Variants in PDE11A observed in about 807,000 individuals in gnomAD.
PDE11A encodes the protein dual 3',5'-cyclic-AMP and -GMP phosphodiesterase 11A.
A neutral mutation model predicts 100.5 loss-of-function variants in PDE11A; 100 were observed. That is an observed-to-expected ratio of 1.00 (90% confidence interval 0.85 to 1.18). The LOEUF is 1.18. PDE11A is among the 50% of genes most tolerant of loss of function. The probability of loss-of-function intolerance (pLI) is 0.00; values close to 1 mark genes in which losing one functional copy is unlikely to be tolerated. For missense variants in PDE11A, 1,141 were observed against 1,152.6 expected (o/e 0.99, Z 0.15); for synonymous variants, 381 against 420.8 (o/e 0.91, Z 1.16).
intron 15 of PDE11A, chr2:177,683,258 A>G (rs985982199): frequency 2.6e-5 from 4 of 152,304 alleles, no homozygotes; most frequent in African/African-American, 9.6e-5. Context: ...AGGCCATACT[A>G]CATACAGCAT....
intron 1 of PDE11A, among the ~76,000 whole-genome samples, chr2:178,041,513 T>C (rs1332085124): frequency 6.6e-6 from 1 of 152,134 alleles, no homozygotes; most frequent in Non-Finnish European, 1.5e-5. Context: ...GTGCTGGGAT[T>C]ATAGGTGTGA....
chr2:177,888,005 G>T (rs1001652848), intron 4 of PDE11A, among the ~76,000 whole-genome samples: 1 of 151,998 alleles, frequency 6.6e-6, no homozygotes, highest in African/African-American at 2.4e-5. Flanking sequence ...GAGACTTCTA[G>T]TCATGTAAGT....
intron 1 of PDE11A, among the ~76,000 whole-genome samples, chr2:178,029,937 C>A (rs1367100078): frequency 6.6e-6 from 1 of 152,162 alleles, no homozygotes; most frequent in East Asian, 1.9e-4. Context: ...CCATATGATG[C>A]CTTCCACCAT....
chr2:177,851,381 G>C (rs2105648253), intron 5 of PDE11A, among the ~76,000 whole-genome samples: 1 of 151,912 alleles, frequency 6.6e-6, no homozygotes, highest in African/African-American at 2.4e-5. Context: ...CACCAGGCCT[G>C]TCGTGGGGTG....
In PDE11A at chr2:177,997,240, C is replaced by T. The variant is rs544232830; in HGVS notation, c.1071+17062G>A. 2.2e-5 allele frequency: 28 copies of T among 1,291,506 alleles called. 2 individuals carry two copies. In the South Asian group the frequency reaches 2.5e-4, roughly 12 times the overall value. 80.0% of individuals were successfully genotyped at this position (1,291,506 alleles called of 1,614,324 possible). On this transcript the variant is annotated intron_variant, in intron 2 of 19. Transcript: ENST00000286063. ...ACGATTTCTTCGTGTGCCCCAACCT[C>T]GGCCCCCTCTACTTTCCCTGAAGGC...
At chr2:178,099,530 A>G (rs2105888060) in intron 2 of PDE11A, among the ~76,000 whole-genome samples, 1 of 152,294 alleles carries the variant, frequency 6.6e-6, no homozygotes, top group South Asian at 2.1e-4. Flanking sequence ...TAGGGAAATG[A>G]AAACCAAAAC....
At chr2:177,875,769 G>T (rs995645276) in intron 5 of PDE11A, 90 bp downstream of exon 5, 13 of 836,604 alleles carry the variant, frequency 1.6e-5, no homozygotes, top group Non-Finnish European at 2.3e-5. Flanking sequence ...CTAATATAAA[G>T]AACTACTACT....
At chr2:178,015,148 A>G (rs1000440969) in intron 1 of PDE11A, among the ~76,000 whole-genome samples, 1 of 152,212 alleles carries the variant, frequency 6.6e-6, no homozygotes, top group African/African-American at 2.4e-5. Flanking sequence ...TCCTTATTAC[A>G]AAGGTAAAAG....
intron 2 of PDE11A, among the ~76,000 whole-genome samples, chr2:177,999,695 C>T (rs2086119945): frequency 6.6e-6 from 1 of 152,164 alleles, no homozygotes; most frequent in Admixed American, 6.5e-5. Context: ...TCCAAAATAC[C>T]AAGCACACTT....
intron 9 of PDE11A, among the ~76,000 whole-genome samples, chr2:177,797,826 A>T (rs940152175): frequency 6.6e-6 from 1 of 152,250 alleles, no homozygotes; most frequent in African/African-American, 2.4e-5. Context: ...ATTTTGTTTT[A>T]AAAAAGTATG....
At chr2:177,639,871 G>A (rs1467272978) in intron 19 of PDE11A, among the ~76,000 whole-genome samples, 3 of 152,196 alleles carry the variant, frequency 2.0e-5, no homozygotes, top group Non-Finnish European at 1.5e-5. Flanking sequence ...TTGTTGGAAA[G>A]GGGCATAGAG....
At chr2:177,652,684 A>G (rs994835105) in intron 19 of PDE11A, among the ~76,000 whole-genome samples, 2 of 152,126 alleles carry the variant, frequency 1.3e-5, no homozygotes, top group African/African-American at 4.8e-5. Flanking sequence ...AGACCCTACT[A>G]ATATAGGGAA....
chr2:177,725,314 G>A (rs2081584567), intron 12 of PDE11A, among the ~76,000 whole-genome samples: 1 of 152,116 alleles, frequency 6.6e-6, no homozygotes, highest in Admixed American at 6.5e-5. Flanking sequence ...ACTTACGTTA[G>A]AGAGAAACAA....
intron 9 of PDE11A, among the ~76,000 whole-genome samples, chr2:177,813,492 T>G (rs2082982752): frequency 6.6e-6 from 1 of 152,170 alleles, no homozygotes; most frequent in Admixed American, 6.5e-5. Context: ...GTACTTCCAG[T>G]GAGCTCTGAG....
intron 10 of PDE11A, among the ~76,000 whole-genome samples, chr2:177,759,117 T>C (rs1320306889): frequency 1.3e-5 from 2 of 151,926 alleles, no homozygotes; most frequent in Non-Finnish European, 2.9e-5. Context: ...GATCCTTTTG[T>C]AAAGCCAGAG....
At chr2:177,634,222 T>C (rs1489086914) in intron 19 of PDE11A, among the ~76,000 whole-genome samples, 1 of 152,140 alleles carries the variant, frequency 6.6e-6, no homozygotes, top group Non-Finnish European at 1.5e-5. Context: ...AATAAAGAAA[T>C]TGGGGAGGGA....
intron 2 of PDE11A, among the ~76,000 whole-genome samples, chr2:177,924,159 T>A (rs1281241378): frequency 6.6e-6 from 1 of 152,192 alleles, no homozygotes; most frequent in Admixed American, 6.5e-5. Context: ...TTAAAAGAAA[T>A]AGTTCAGAAT....
At chr2:177,914,610 C>T (rs1005072689) in intron 2 of PDE11A, among the ~76,000 whole-genome samples, 13 of 152,070 alleles carry the variant, frequency 8.5e-5, no homozygotes, top group Admixed American at 2.0e-4. Context: ...ATTATGATTC[C>T]CCACTTACCC....
chr2:177,690,225 A>T (rs2081023010), intron 15 of PDE11A, among the ~76,000 whole-genome samples: 1 of 152,214 alleles, frequency 6.6e-6, no homozygotes, highest in African/African-American at 2.4e-5. Flanking sequence ...CTGCTGACCT[A>T]ATGTTATAAT....
Sources: gnomAD v4.1 joint callset for allele counts (sites outside exome capture counted in the v4.1 genomes callset) on GRCh38, gnomAD v4.1.1 for gene constraint, MANE v1.5 for transcripts, NCBI Gene and HGNC (gene_info 2026-07-23, HGNC 2026-07-21) for gene names.